PRLR: variants seen among roughly 807,000 people sequenced by gnomAD.
PRLR encodes hPRL receptor.
In PRLR, 13 loss-of-function variants were observed where a neutral mutation model predicts 40.2. The observed-to-expected ratio is 0.32, with a 90% CI of 0.21 to 0.51. PRLR has a LOEUF of 0.51. Among genes scored for constraint, PRLR ranks in the 20% least tolerant of loss-of-function variants. PRLR has a pLI of 0.97. For synonymous variants in PRLR, 269 were observed against 278.7 expected, an observed-to-expected ratio of 0.97 and a Z score of 0.35; for missense variants, 656 against 747.3, an observed-to-expected ratio of 0.88 and a Z score of 1.42.
intron 9 of PRLR, 47 bp from the exon 10 acceptor site, chr5:35,066,149 A>T: frequency 6.5e-7 from 1 of 1,540,082 alleles, no homozygotes; most frequent in Non-Finnish European, 8.8e-7. Context: ...GCTTCATAAC[A>T]TTCCAAATCA....
Position 35,173,068 on chromosome 5 carries a change from C to T in PRLR, c.-105-54946G>A, listed in dbSNP as rs1775047432. ...CTCTAGAAAAATTAGCCTTGAAAAA[C>T]TTGTCTGGTTGGCAAAGCACATCTT... On this transcript the variant is annotated intron_variant, in intron 1 of 9. Transcript: ENST00000618457. Among the ~76,000 whole-genome samples the T allele has an allele frequency of 2.6e-5, 4 of 152,036 alleles. No individual in the cohort carries two copies. In the South Asian group the frequency reaches 8.3e-4, roughly 32 times the overall value.
At chr5:35,132,449 AC>A in intron 1 of PRLR, among the ~76,000 whole-genome samples, 1 of 152,180 alleles carries the variant, frequency 6.6e-6, no homozygotes, top group Non-Finnish European at 1.5e-5. Context: ...TTTTACTCCT[AC>A]CTATTTCAGT....
chr5:35,200,209 A>C (rs1316051558), intron 1 of PRLR, among the ~76,000 whole-genome samples: 2 of 152,218 alleles, frequency 1.3e-5, no homozygotes, highest in Non-Finnish European at 2.9e-5. Context: ...TAATATAGTT[A>C]ACACGCCTGT....
In PRLR at chr5:35,059,598, CCTGTTTTA is replaced by C. The variant is rs534983009; in HGVS notation, c.*5483_*5490del. On this transcript the variant is annotated 3_prime_UTR_variant, in exon 10 of 10. Transcript: ENST00000618457. ...CCAAATCTCTGGAAACTTCCTATTTCCTGTTTTACTATCTTTTTCCTTTTATCAAAATG... is the reference window on the plus strand; with the variant it reads ...CCAAATCTCTGGAAACTTCCTATTTCCTATCTTTTTCCTTTTATCAAAATG... The C allele has an allele frequency of 9.9e-5, 15 of 152,140 alleles. No individual in the cohort carries two copies. The allele number at this position is 152,140 out of a possible 1,614,324, so 9.4% of individuals were successfully genotyped here. A position where few individuals can be genotyped will look rare whatever the true frequency, so the allele number is the denominator to read the frequency against.
At position 35,068,912 on chromosome 5, in the gene PRLR, G is replaced by A. The variant is rs375332121; in HGVS notation, c.686-34C>T. 247 of 1,481,724 alleles carry A rather than the reference G, an allele frequency of 1.7e-4. 2 individuals are homozygous for A. Among genetic ancestry groups the A allele is most frequent in the African/African-American group, 6.1e-4 (44 of 71,948 alleles). 91.8% of individuals were successfully genotyped at this position (1,481,724 alleles called of 1,614,324 possible). A position where few individuals can be genotyped will look rare whatever the true frequency, so the allele number is the denominator to read the frequency against. ...CAAACAGCCAGAAAGCTTTGATCAC[G>A]TACAGCATCATTAAAAACAAACCAA... On this transcript the variant is annotated intron_variant, in intron 7 of 9. Coordinates refer to ENST00000618457, the MANE Select transcript of PRLR (RefSeq NM_000949.7).
At chr5:35,081,012 T>C (rs1297585491) in intron 5 of PRLR, among the ~76,000 whole-genome samples, 2 of 113,296 alleles carry the variant, frequency 1.8e-5, no homozygotes. Flanking sequence ...GAACACAGGG[T>C]GGGTAACATC....
intron 8 of PRLR, among the ~76,000 whole-genome samples, chr5:35,050,343 A>G (rs941726662): frequency 1.3e-5 from 2 of 152,228 alleles, no homozygotes; most frequent in South Asian, 2.1e-4. Context: ...TGGAATATCA[A>G]TCCAAGATCC....
chr5:35,185,937 G>A (rs1345775388), intron 1 of PRLR, among the ~76,000 whole-genome samples: 1 of 152,126 alleles, frequency 6.6e-6, no homozygotes. Context: ...GTCGAATGTC[G>A]GGGTGGAACG....
intron 2 of PRLR, among the ~76,000 whole-genome samples, chr5:35,093,361 C>T (rs939112931): frequency 1.3e-5 from 2 of 152,200 alleles, no homozygotes; most frequent in African/African-American, 4.8e-5. Context: ...TTAGACTTCA[C>T]CTTTATGTTC....
chr5:35,116,506 G>A (rs1165349425), intron 2 of PRLR, among the ~76,000 whole-genome samples: 3 of 152,164 alleles, frequency 2.0e-5, no homozygotes, highest in Non-Finnish European at 1.5e-5. Flanking sequence ...AATTTTCCGG[G>A]AGCTTTGCAA....
intron 2 of PRLR, among the ~76,000 whole-genome samples, chr5:35,109,428 G>C (rs1004902813): frequency 2.0e-5 from 3 of 152,138 alleles, no homozygotes; most frequent in African/African-American, 7.2e-5. Context: ...GAGCGAACTG[G>C]CAACCTACAG....
intron 1 of PRLR, among the ~76,000 whole-genome samples, chr5:35,203,911 C>T (rs904291006): frequency 6.6e-6 from 1 of 151,916 alleles, no homozygotes; most frequent in African/African-American, 2.4e-5. Context: ...TGTTGCAAAT[C>T]AAGATCGAGA....
At chr5:35,121,046 A>C (rs1251125549) in intron 1 of PRLR, among the ~76,000 whole-genome samples, 1 of 152,184 alleles carries the variant, frequency 6.6e-6, no homozygotes, top group Non-Finnish European at 1.5e-5. Flanking sequence ...GAAGAGTGCA[A>C]AATGAATTTA....
intron 2 of PRLR, among the ~76,000 whole-genome samples, chr5:35,101,427 G>A (rs1446222597): frequency 6.6e-6 from 1 of 152,150 alleles, no homozygotes; most frequent in Admixed American, 6.5e-5. Flanking sequence ...AGGGCAGATG[G>A]ATGATGAAGC....
chr5:35,211,756 C>T (rs1166417861), intron 1 of PRLR, among the ~76,000 whole-genome samples: 1 of 152,100 alleles, frequency 6.6e-6, no homozygotes, highest in East Asian at 1.9e-4. Context: ...AGTAAATATT[C>T]ATGAATTAAC....
intron 1 of PRLR, among the ~76,000 whole-genome samples, chr5:35,171,251 C>A (rs970492286): frequency 3.9e-5 from 6 of 152,256 alleles, no homozygotes; most frequent in African/African-American, 1.2e-4. Flanking sequence ...GACAGCAACC[C>A]TTGCTGCTAT....
chr5:35,053,743 C>T (rs1298591216), downstream of PRLR, among the ~76,000 whole-genome samples: 1 of 152,160 alleles, frequency 6.6e-6, no homozygotes, highest in Non-Finnish European at 1.5e-5. Flanking sequence ...TAACTTCTGG[C>T]ATTAAAACAT....
At chr5:35,174,969 GTATAA>G (rs748701838) in intron 1 of PRLR, among the ~76,000 whole-genome samples, 9 of 152,172 alleles carry the variant, frequency 5.9e-5, no homozygotes, top group Non-Finnish European at 1.3e-4. Flanking sequence ...ATCATGTTAG[GTATAA>G]TATAAGGATG....
intron 1 of PRLR, among the ~76,000 whole-genome samples, chr5:35,128,643 G>A (rs1052264711): frequency 6.6e-6 from 1 of 151,922 alleles, no homozygotes; most frequent in African/African-American, 2.4e-5. Context: ...TCACAATAAA[G>A]CTGCTTAAAA....
Sources: gnomAD v4.1 joint callset for allele counts (sites outside exome capture counted in the v4.1 genomes callset) on GRCh38, gnomAD v4.1.1 for gene constraint, MANE v1.5 for transcripts, NCBI Gene and HGNC (gene_info 2026-07-23, HGNC 2026-07-21) for gene names.